Variants in CSMD1 observed in about 807,000 individuals in gnomAD.
CSMD1 encodes the protein CUB and sushi domain-containing protein 1.
A neutral mutation model predicts 417.5 loss-of-function variants in CSMD1; 213 were observed. The observed-to-expected ratio is 0.51, with a 90% confidence interval of 0.46 to 0.57. The LOEUF (loss-of-function observed/expected upper bound fraction) is 0.57, where lower values mean the gene tolerates loss of function less well. Ranked by LOEUF, CSMD1 falls within the 20% of genes least tolerant of loss-of-function variation. The probability of loss-of-function intolerance (pLI) is 0.00; values close to 1 mark genes in which losing one functional copy is unlikely to be tolerated. For missense variants in CSMD1, 6,923 were observed against 4,529.7 expected (o/e 1.53, Z -15.17); for synonymous variants, 2,862 against 1,736.8 (o/e 1.65, Z -16.11).
At chr8:2,986,311 C>T (rs1368228889) in intron 54 of CSMD1, among the ~76,000 whole-genome samples, 2 of 152,162 alleles carry the variant, frequency 1.3e-5, no homozygotes, top group East Asian at 1.9e-4. Context: ...CTGTGGCTAC[C>T]ACTTCCTTGA....
chr8:3,294,242 T>G (rs1280459426), intron 25 of CSMD1, among the ~76,000 whole-genome samples: 2 of 147,672 alleles, frequency 1.4e-5, no homozygotes, highest in East Asian at 4.0e-4. Context: ...TACTGGGGGG[T>G]GCCTCCCAGT....
At chr8:4,501,951 A>G (rs1033502987) in intron 2 of CSMD1, among the ~76,000 whole-genome samples, 4 of 152,174 alleles carry the variant, frequency 2.6e-5, no homozygotes, top group African/African-American at 9.7e-5. Flanking sequence ...AAGGGAGAGA[A>G]CTGTATTTAG....
intron 23 of CSMD1, among the ~76,000 whole-genome samples, chr8:3,320,950 A>G (rs1318626775): frequency 6.6e-6 from 1 of 152,204 alleles, no homozygotes; most frequent in African/African-American, 2.4e-5. Flanking sequence ...ACAAAGCAAA[A>G]TGGAGTACGT....
intron 18 of CSMD1, among the ~76,000 whole-genome samples, chr8:3,377,406 A>C (rs1810380676): frequency 6.6e-6 from 1 of 152,202 alleles, no homozygotes. Flanking sequence ...GAAAGGTTTA[A>C]ATCTCAAATT....
chr8:3,519,309 T>C (rs866963867), intron 10 of CSMD1, among the ~76,000 whole-genome samples: 1 of 152,202 alleles, frequency 6.6e-6, no homozygotes, highest in East Asian at 1.9e-4. Context: ...AAACAGCTTC[T>C]ACTGTTAGCT....
chr8:3,507,544 G>C (rs1290112737), intron 10 of CSMD1, among the ~76,000 whole-genome samples: 1 of 152,122 alleles, frequency 6.6e-6, no homozygotes, highest in African/African-American at 2.4e-5. Context: ...TGGGTCAAAT[G>C]GTATTTCTAG....
At chr8:3,999,543 C>T (rs2740974) in intron 4 of CSMD1, among the ~76,000 whole-genome samples, 63,232 of 152,004 alleles carry the variant, frequency 0.42, 13,363 homozygotes, top group South Asian at 0.48. Context: ...TAGGTCCCTT[C>T]AAATTAGCTG....
Position 4,216,219 on chromosome 8 carries a change from G to C in CSMD1, c.416-184120C>G, listed in dbSNP as rs189990484. Among the ~76,000 whole-genome samples the C allele has an allele frequency of 6.1e-4, 93 of 152,102 alleles. No homozygotes were observed. In the East Asian group the frequency reaches 7.4e-3, roughly 12 times the overall value. On this transcript the variant is annotated intron_variant, in intron 3 of 69. Coordinates refer to ENST00000635120, the MANE Select transcript of CSMD1 (RefSeq NM_033225.6). ...ATTGCGATGGCCTTCTTCCTTCCCTGTTCCTGCACATGCCCTTTTTTTCTG... is the reference window on the plus strand; with the variant it reads ...ATTGCGATGGCCTTCTTCCTTCCCTCTTCCTGCACATGCCCTTTTTTTCTG...
At chr8:4,277,625 C>G (rs1275408350) in intron 3 of CSMD1, among the ~76,000 whole-genome samples, 2 of 152,178 alleles carry the variant, frequency 1.3e-5, no homozygotes, top group East Asian at 1.9e-4. Context: ...ACTTCCCTTT[C>G]TCACAAGGAT....
At position 4,673,194 on chromosome 8, in the gene CSMD1, A is replaced by G. The variant is rs149872476; in HGVS notation, c.86-35636T>C. 1.2e-3 allele frequency among the ~76,000 whole-genome samples: 176 copies of G among 152,348 alleles called. 2 individuals are homozygous for G. Among genetic ancestry groups the G allele is most frequent in the African/African-American group, 3.9e-3 (163 of 41,596 alleles). On this transcript the variant is annotated intron_variant, in intron 1 of 69. Coordinates refer to ENST00000635120, the MANE Select transcript of CSMD1 (RefSeq NM_033225.6). The stretch of plus-strand genomic sequence containing the variant: ...AAAAAGAAAGAAAGAAAAGACATTT[A>G]TCAGGTACAATGTTAAAATTTATGC...
chr8:4,138,777 A>C (rs1204509236), intron 3 of CSMD1, among the ~76,000 whole-genome samples: 1 of 152,210 alleles, frequency 6.6e-6, no homozygotes, highest in African/African-American at 2.4e-5. Context: ...TTATCAGAAT[A>C]CACTATGAAC....
chr8:3,195,314 A>G lies in CSMD1; in HGVS notation c.5194+4400T>C, dbSNP rs143060170. 4.4e-3 allele frequency among the ~76,000 whole-genome samples: 664 copies of G among 152,286 alleles called. 2 individuals are homozygous for G. The highest frequency in any genetic ancestry group is 7.6e-3 in the Non-Finnish European group (518 of 68,034). The stretch of plus-strand genomic sequence containing the variant: ...CTTAAATCCACAGGAGCCTCGGAGC[A>G]GGCAGGAAAGAGAAGGATGTGGGCT... On this transcript the variant is annotated intron_variant, in intron 33 of 69. Coordinates refer to ENST00000635120, the MANE Select transcript of CSMD1 (RefSeq NM_033225.6).
At chr8:4,392,276 G>C (rs760456135) in intron 3 of CSMD1, among the ~76,000 whole-genome samples, 1 of 152,144 alleles carries the variant, frequency 6.6e-6, no homozygotes, top group East Asian at 1.9e-4. Context: ...GCATGTAGCT[G>C]ATAATATATC....
At chr8:4,147,759 TGGACTTGCC>T (rs1796336840) in intron 3 of CSMD1, among the ~76,000 whole-genome samples, 1 of 152,042 alleles carries the variant, frequency 6.6e-6, no homozygotes, top group African/African-American at 2.4e-5. Flanking sequence ...CGGCAAGCCA[TGGACTTGCC>T]ATGTGAGATC....
At chr8:3,944,882 G>T (rs756754511) in intron 5 of CSMD1, among the ~76,000 whole-genome samples, 31 of 152,140 alleles carry the variant, frequency 2.0e-4, no homozygotes, top group Non-Finnish European at 4.3e-4. Flanking sequence ...TCTGGGTTGT[G>T]TTTTCTAATT....
intron 36 of CSMD1, among the ~76,000 whole-genome samples, chr8:3,182,749 CTGTGTGTG>C (rs138421791): frequency 9.5e-6 from 1 of 105,728 alleles, no homozygotes; most frequent in Non-Finnish European, 1.9e-5. Context: ...ATAAGAAGCT[CTGTGTGTG>C]TGTGTGTGTG....
In CSMD1 at chr8:3,014,010, A is replaced by T. The variant is rs917297266; in HGVS notation, c.8029+4467T>A. ...CAAGTTCTCTGCCTCTACACTATGA[A>T]CTCAGAATTTCTTCTCCTCATATAC... is the stretch of plus-strand genomic sequence containing the variant. On this transcript the variant is annotated intron_variant, in intron 52 of 69. Transcript: ENST00000635120. Among the ~76,000 whole-genome samples, 7 of 152,002 alleles carry T rather than the reference A, an allele frequency of 4.6e-5. No homozygotes were observed. In the South Asian group the frequency reaches 1.5e-3, roughly 32 times the overall value.
At chr8:3,398,902 A>T (rs1289720651) in intron 16 of CSMD1, among the ~76,000 whole-genome samples, 1 of 152,160 alleles carries the variant, frequency 6.6e-6, no homozygotes, top group Non-Finnish European at 1.5e-5. Context: ...TCTAGTGATA[A>T]TGTCACTCAT....
At chr8:4,102,458 T>G (rs761578173) in intron 3 of CSMD1, among the ~76,000 whole-genome samples, 4 of 152,174 alleles carry the variant, frequency 2.6e-5, no homozygotes, top group South Asian at 4.2e-4. Context: ...CCTTGGTCAG[T>G]TTCAGGCAGA....
Sources: allele counts gnomAD v4.1 joint callset (sites outside exome capture counted in the v4.1 genomes callset), GRCh38; gene constraint gnomAD v4.1.1; transcripts MANE v1.5; gene names NCBI Gene and HGNC (gene_info 2026-07-23, HGNC 2026-07-21).